The following METTL15 variants were observed in gnomAD, a reference collection of about 807,000 sequenced individuals.
The protein encoded by METTL15 is methyltransferase 15, mitochondrial 12S rRNA N4-cytidine.
In METTL15, 34 loss-of-function variants were observed where a neutral mutation model predicts 38.3. The ratio of observed to expected loss-of-function variants is 0.89; its 90% CI spans 0.68 to 1.18. The LOEUF is 1.18. Ranked by LOEUF, METTL15 falls within the 50% of genes most tolerant of loss-of-function variation. METTL15 has a pLI of 0.00. For missense variants in METTL15, 438 were observed against 498.4 expected, an observed-to-expected ratio of 0.88 and a Z score of 1.15; for synonymous variants, 162 against 170.9, an observed-to-expected ratio of 0.95 and a Z score of 0.41.
At chr11:28,123,267 T>TC (rs1852329686) in intron 3 of METTL15, among the ~76,000 whole-genome samples, 1 of 152,058 alleles carries the variant, frequency 6.6e-6, no homozygotes, top group African/African-American at 2.4e-5. Flanking sequence ...ACTGCAAGAG[T>TC]CTAGGCTTAG....
chr11:28,217,172 C>T (rs1204358938), intron 4 of METTL15, among the ~76,000 whole-genome samples: 2 of 152,100 alleles, frequency 1.3e-5, no homozygotes, highest in Non-Finnish European at 2.9e-5. Context: ...GTTTACAGTC[C>T]CACCAACAGT....
At chr11:28,184,594 G>A (rs1007218065) in intron 3 of METTL15, among the ~76,000 whole-genome samples, 1 of 150,562 alleles carries the variant, frequency 6.6e-6, no homozygotes, top group African/African-American at 2.4e-5. Context: ...TATTTCTGAA[G>A]GATAACACGT....
At chr11:28,246,397 C>T (rs1854514559) in intron 4 of METTL15, among the ~76,000 whole-genome samples, 1 of 151,954 alleles carries the variant, frequency 6.6e-6, no homozygotes, top group Non-Finnish European at 1.5e-5. Flanking sequence ...TTATTAGGCC[C>T]TAACTACATA....
intron 6 of METTL15, among the ~76,000 whole-genome samples, chr11:28,301,075 A>G (rs1449434230): frequency 6.6e-6 from 1 of 152,176 alleles, no homozygotes; most frequent in African/African-American, 2.4e-5. Flanking sequence ...TTAGAATAAA[A>G]GCAAAACTCC....
At chr11:28,296,993 G>A (rs1856763535) in intron 6 of METTL15, 62 bp downstream of exon 6, 4 of 1,547,168 alleles carry the variant, frequency 2.6e-6, no homozygotes, top group South Asian at 1.1e-5. Flanking sequence ...GTGTGCATGT[G>A]TTTGTGTGCA....
intron 3 of METTL15, among the ~76,000 whole-genome samples, chr11:28,168,468 T>C (rs1453517905): frequency 6.9e-6 from 1 of 144,678 alleles, no homozygotes; most frequent in Non-Finnish European, 1.5e-5. Flanking sequence ...TAAATGATGC[T>C]TTTTTTTTTT....
chr11:28,174,869 G>T (rs554859157), intron 3 of METTL15, among the ~76,000 whole-genome samples: 1 of 149,296 alleles, frequency 6.7e-6, no homozygotes, highest in African/African-American at 2.4e-5. Flanking sequence ...ATTTTGAACT[G>T]TAAAACCATA....
intron 4 of METTL15, chr11:28,261,480 A>G (rs2128955): frequency 0.075 from 11,599 of 155,326 alleles, 612 homozygotes; most frequent in Non-Finnish European, 0.11. Context: ...CTGGTGATCA[A>G]TGGGTTGACA....
chr11:28,201,610 G>GGTGTGTGTGTGTGTGTGTGTGTAT, intron 3 of METTL15, among the ~76,000 whole-genome samples: 1 of 145,654 alleles, frequency 6.9e-6, no homozygotes, highest in Admixed American at 6.8e-5. Flanking sequence ...GTCTTGGGAG[G>GGTGTGTGTGTGTGTGTGTGTGTAT]GTGTGTGTGT....
intron 3 of METTL15, chr11:28,122,073 T>G: frequency 1.1e-6 from 1 of 946,196 alleles, no homozygotes; most frequent in Non-Finnish European, 1.3e-6. Context: ...TATAGTTTAT[T>G]AAAACTGTAA....
chr11:28,487,224 A>G lies in METTL15; in HGVS notation c.*425-39254A>G, dbSNP rs187096750. On this transcript the variant is annotated intron_variant and NMD_transcript_variant, in intron 6 of 7. Coordinates refer to the METTL15 transcript ENST00000532947. Reference sequence around the variant, plus strand: ...TTTAGAAATGTATTCTAAGAGAATCATGCATCTTCAAAAGTATTTTGCTAT... The same window carrying G: ...TTTAGAAATGTATTCTAAGAGAATCGTGCATCTTCAAAAGTATTTTGCTAT... Among the ~76,000 whole-genome samples the G allele has an allele frequency of 9.5e-3, 1,453 of 152,296 alleles. 74 individuals carry two copies. The highest frequency in any genetic ancestry group is 0.085 in the Admixed American group (1,299 of 15,278).
intron 5 of METTL15, among the ~76,000 whole-genome samples, chr11:28,395,934 G>C (rs574930682): frequency 6.6e-6 from 1 of 152,240 alleles, no homozygotes; most frequent in South Asian, 2.1e-4. Context: ...ATGCAAGGCT[G>C]GTTCAACATA....
intron 4 of METTL15, among the ~76,000 whole-genome samples, chr11:28,288,820 AT>A (rs1413524714): frequency 9.9e-5 from 15 of 152,148 alleles, no homozygotes; most frequent in African/African-American, 9.7e-5. Context: ...TAAAAGTTAA[AT>A]AAAATAAATA....
intron 6 of METTL15, among the ~76,000 whole-genome samples, chr11:28,312,546 A>G (rs1423351330): frequency 3.0e-5 from 4 of 133,988 alleles, no homozygotes; most frequent in Non-Finnish European, 5.1e-5. Flanking sequence ...AATATGCTGT[A>G]TTGTTTTATT....
At chr11:28,390,083 T>C (rs1850486546) in intron 5 of METTL15, among the ~76,000 whole-genome samples, 1 of 151,020 alleles carries the variant, frequency 6.6e-6, no homozygotes, top group South Asian at 2.1e-4. Flanking sequence ...GGGGTTGTTT[T>C]TTTCTTGTAA....
chr11:28,230,923 C>T (rs760070881), intron 4 of METTL15, among the ~76,000 whole-genome samples: 1 of 151,822 alleles, frequency 6.6e-6, no homozygotes, highest in Non-Finnish European at 1.5e-5. Flanking sequence ...AAGATAAGGC[C>T]TCTGTACCAC....
intron 3 of METTL15, among the ~76,000 whole-genome samples, chr11:28,157,736 A>G (rs978097954): frequency 3.9e-5 from 6 of 152,074 alleles, no homozygotes; most frequent in Non-Finnish European, 7.4e-5. Context: ...GGCACAAGTA[A>G]TTTACATGAG....
intron 3 of METTL15, among the ~76,000 whole-genome samples, chr11:28,345,378 C>T (rs1564902088): frequency 6.6e-6 from 1 of 152,148 alleles, no homozygotes; most frequent in South Asian, 2.1e-4. Flanking sequence ...TTCGTAGAGA[C>T]GGGGTTTCAC....
intron 5 of METTL15, among the ~76,000 whole-genome samples, chr11:28,365,856 C>T (rs1850180402): frequency 1.3e-5 from 2 of 152,086 alleles, no homozygotes; most frequent in Admixed American, 1.3e-4. Context: ...GTGAGACCTT[C>T]CTGGCTAACA....
Sources: allele counts gnomAD v4.1 joint callset (sites outside exome capture counted in the v4.1 genomes callset), GRCh38; gene constraint gnomAD v4.1.1; transcripts MANE v1.5; gene names NCBI Gene and HGNC (gene_info 2026-07-23, HGNC 2026-07-21).